Variants in CNTNAP3B observed in about 807,000 individuals in gnomAD.
CNTNAP3B encodes the protein contactin associated protein family member 3B, also known as contactin-associated protein-like 3B.
In CNTNAP3B, 25 loss-of-function variants were observed where a neutral mutation model predicts 108.9. The observed-to-expected ratio is 0.23, with a 90% CI of 0.17 to 0.32. CNTNAP3B has a LOEUF of 0.32. CNTNAP3B is among the 10% of genes least tolerant of loss of function. The probability of loss-of-function intolerance (pLI) is 1.00; values close to 1 mark genes in which losing one functional copy is unlikely to be tolerated. For missense variants in CNTNAP3B, 252 were observed against 1,210.4 expected (o/e 0.21, Z 11.75); for synonymous variants, 103 against 473.4 (o/e 0.22, Z 10.16).
Position 42,041,441 on chromosome 9 carries a change from A to G in CNTNAP3B, c.391-27916T>C, listed in dbSNP as rs866721763. 5.8e-4 allele frequency among the ~76,000 whole-genome samples: 88 copies of G among 151,248 alleles called. No individual in the cohort carries two copies. The Middle Eastern group carries it at 0.01, about 18-fold the overall frequency. ...AAGTGGGCAAAGGATATGAACAGAC[A>G]CTTCTCAAAAGAAGACATTTATGCA... is the stretch of plus-strand genomic sequence containing the variant. On this transcript the variant is annotated intron_variant, in intron 3 of 23. Transcript: ENST00000377561.
intron 12 of CNTNAP3B, among the ~76,000 whole-genome samples, chr9:41,954,874 G>A (rs1160297688): frequency 6.6e-6 from 1 of 152,122 alleles, no homozygotes; most frequent in Admixed American, 6.5e-5. Context: ...TGGTAGAGAC[G>A]GGGGTTTCAC....
At chr9:41,994,091 T>C (rs1484906541) in intron 7 of CNTNAP3B, 1 of 132,354 alleles carries the variant, frequency 7.6e-6, no homozygotes, top group African/African-American at 3.1e-5. Flanking sequence ...CCTGTGTCTA[T>C]TGTCCTCAAA....
chr9:42,114,689 A>C (rs1333945508), intron 1 of CNTNAP3B, among the ~76,000 whole-genome samples: 1 of 118,904 alleles, frequency 8.4e-6, no homozygotes, highest in Non-Finnish European at 1.7e-5. Flanking sequence ...GTTATGATTG[A>C]GGACAACATC....
rs1197122512 is a variant in CNTNAP3B, at chr9:41,973,874, C to G, written c.1478-3629G>C. Among the ~76,000 whole-genome samples the G allele has an allele frequency of 2.2e-5, 3 of 133,372 alleles. 1 individual carries two copies. The highest frequency in any genetic ancestry group is 7.5e-5 in the Admixed American group (1 of 13,306). 87.5% of individuals were successfully genotyped at this position (133,372 alleles called of 152,430 possible). ...CTCTCTCTCTCTTTCTTGACAGAGT[C>G]TCGCTCTGTTGCCAGGCTGGAGTGC... is the stretch of plus-strand genomic sequence containing the variant. On this transcript the variant is annotated intron_variant, in intron 9 of 23. Transcript: ENST00000377561.
chr9:42,118,247 C>A (rs1195815863), intron 1 of CNTNAP3B, among the ~76,000 whole-genome samples: 3 of 139,430 alleles, frequency 2.2e-5, no homozygotes, highest in Non-Finnish European at 4.6e-5. Flanking sequence ...AGACCAATAT[C>A]CTTGATGAAC....
At chr9:41,925,398 C>A (rs1823788425) in intron 15 of CNTNAP3B, among the ~76,000 whole-genome samples, 1 of 152,188 alleles carries the variant, frequency 6.6e-6, no homozygotes. Flanking sequence ...TCCAGACCAT[C>A]CTGGCTAACA....
In CNTNAP3B at chr9:42,124,190, C is replaced by T. The variant is rs1377967930; in HGVS notation, c.85+4820G>A. Reference sequence around the variant, plus strand: ...CAAATGTTTTTAGATTTCAATCACTCTTCGTATTATTACAACAAAAATGTT... The same window carrying T: ...CAAATGTTTTTAGATTTCAATCACTTTTCGTATTATTACAACAAAAATGTT... On this transcript the variant is annotated intron_variant, in intron 1 of 23. Coordinates refer to ENST00000377561, the MANE Select transcript of CNTNAP3B (RefSeq NM_001201380.3). Among the ~76,000 whole-genome samples the T allele has an allele frequency of 1.3e-4, 18 of 135,460 alleles. 2 individuals carry two copies. The South Asian group carries it at 3.1e-3, about 24-fold the overall frequency. The allele number at this position is 135,460 out of a possible 152,430, so 88.9% of individuals were successfully genotyped here.
At chr9:42,113,821 A>G (rs1383437968) in intron 1 of CNTNAP3B, among the ~76,000 whole-genome samples, 1 of 139,490 alleles carries the variant, frequency 7.2e-6, no homozygotes, top group Admixed American at 7.1e-5. Flanking sequence ...AACTCGAAGG[A>G]TAATTGCTTG....
At chr9:42,076,833 A>G (rs76168447) in intron 3 of CNTNAP3B, 36 bp downstream of exon 3, 567,345 of 1,529,510 alleles carry the variant, frequency 0.37, 152,219 homozygotes, top group South Asian at 0.42. Flanking sequence ...ATAGGTTTGC[A>G]GCAATAGGTA....
At chr9:42,025,054 T>TC (rs1259404735) in intron 3 of CNTNAP3B, among the ~76,000 whole-genome samples, 1 of 143,658 alleles carries the variant, frequency 7.0e-6, no homozygotes, top group Non-Finnish European at 1.5e-5. Context: ...CTTAAGTTCT[T>TC]CCCCACATTT....
rs1471655694 is a variant in CNTNAP3B at position 42,125,818 on chromosome 9, G to A, written c.85+3192C>T. 5.3e-5 allele frequency among the ~76,000 whole-genome samples: 7 copies of A among 130,954 alleles called. 1 individual carries two copies. Among genetic ancestry groups the A allele is most frequent in the African/African-American group, 1.5e-4 (5 of 32,348 alleles). 85.9% of individuals were successfully genotyped at this position (130,954 alleles called of 152,430 possible). A position where few individuals can be genotyped will look rare whatever the true frequency, so the allele number is the denominator to read the frequency against. ...TTTTTAGTAGAGGCAGGGTTTCACC[G>A]TGTTGTCCAGGCTGGTTTCGAACTC... On this transcript the variant is annotated intron_variant, in intron 1 of 23. Coordinates refer to ENST00000377561, the MANE Select transcript of CNTNAP3B (RefSeq NM_001201380.3).
rs1475366124 is a variant in CNTNAP3B at position 42,106,464 on chromosome 9, C to G, written c.86-1725G>C. ...AAGAGCACCCAATATTTTTACACAGCAAGAAGCCATTGAAATGTGCAGAGC... is the reference window on the plus strand; with the variant it reads ...AAGAGCACCCAATATTTTTACACAGGAAGAAGCCATTGAAATGTGCAGAGC... On this transcript the variant is annotated intron_variant, in intron 1 of 23. Transcript: ENST00000377561. 5.1e-5 allele frequency among the ~76,000 whole-genome samples: 6 copies of G among 117,572 alleles called. 2 individuals carry two copies. The highest frequency in any genetic ancestry group is 1.8e-4 in the African/African-American group (5 of 28,450). 77.1% of individuals were successfully genotyped at this position (117,572 alleles called of 152,430 possible).
chr9:42,096,048 T>C lies in CNTNAP3B; in HGVS notation c.196+8581A>G, dbSNP rs1288333764. The stretch of plus-strand genomic sequence containing the variant: ...CATGGTCTTGCTCACCTGCCTTTGG[T>C]ACCTCAGGGTGTCCTTGGATAACTG... On this transcript the variant is annotated intron_variant, in intron 2 of 23. Transcript: ENST00000377561. Among the ~76,000 whole-genome samples, 3 of 139,142 alleles carry C rather than the reference T, an allele frequency of 2.2e-5. 1 individual carries two copies. Among genetic ancestry groups the C allele is most frequent in the African/African-American group, 8.6e-5 (3 of 35,036 alleles). 91.3% of individuals were successfully genotyped at this position (139,142 alleles called of 152,430 possible).
chr9:41,999,604 G>C (rs1587189937), intron 4 of CNTNAP3B, among the ~76,000 whole-genome samples: 1 of 112,542 alleles, frequency 8.9e-6, no homozygotes, highest in Non-Finnish European at 1.8e-5. Context: ...TGTTTCTCTG[G>C]AGAGCCCTGA....
intron 13 of CNTNAP3B, among the ~76,000 whole-genome samples, chr9:41,946,073 G>A (rs1219787744): frequency 6.6e-6 from 1 of 150,636 alleles, no homozygotes; most frequent in Non-Finnish European, 1.5e-5. Flanking sequence ...AGCAACAGAA[G>A]AGTCAAAATA....
intron 2 of CNTNAP3B, among the ~76,000 whole-genome samples, chr9:42,078,958 G>C (rs1209338552): frequency 1.3e-5 from 2 of 150,962 alleles, no homozygotes; most frequent in Non-Finnish European, 2.9e-5. Context: ...GAGAACTCTA[G>C]GTCAGGCAAA....
rs958636501 is a variant in CNTNAP3B at position 42,047,430 on chromosome 9, A to C, written c.390+29439T>G. On this transcript the variant is annotated intron_variant, in intron 3 of 23. Transcript: ENST00000377561. Reference sequence around the variant, plus strand: ...CAAAACCAAAGCAAATTCAATCCCAAATTAAGTTTAAATGGGAAGATAAAT... The same window carrying C: ...CAAAACCAAAGCAAATTCAATCCCACATTAAGTTTAAATGGGAAGATAAAT... Among the ~76,000 whole-genome samples, 10 of 128,484 alleles carry C rather than the reference A, an allele frequency of 7.8e-5. 1 individual carries two copies. The highest frequency in any genetic ancestry group is 1.6e-4 in the Non-Finnish European group (10 of 61,308). The allele number at this position is 128,484 out of a possible 152,430, so 84.3% of individuals were successfully genotyped here.
chr9:42,128,283 T>G (rs1256215151), intron 1 of CNTNAP3B, among the ~76,000 whole-genome samples: 1 of 139,874 alleles, frequency 7.1e-6, no homozygotes, highest in Non-Finnish European at 1.5e-5. Flanking sequence ...AATAAAAGCT[T>G]CCTAGGTGTT....
chr9:41,939,860 T>G (rs1322376892), intron 13 of CNTNAP3B, among the ~76,000 whole-genome samples: 1 of 152,100 alleles, frequency 6.6e-6, no homozygotes, highest in African/African-American at 2.4e-5. Context: ...TCCCTGCTAT[T>G]TCCACCAAGT....
Sources: allele counts gnomAD v4.1 joint callset (sites outside exome capture counted in the v4.1 genomes callset), GRCh38; gene constraint gnomAD v4.1.1; transcripts MANE v1.5; gene names NCBI Gene and HGNC (gene_info 2026-07-23, HGNC 2026-07-21).